Variants in NAGS observed in about 807,000 individuals in gnomAD.
NAGS encodes N-acetylglutamate synthase.
A neutral mutation model predicts 46.9 loss-of-function variants in NAGS; 34 were observed. The ratio of observed to expected loss-of-function variants is 0.72; its 90% confidence interval spans 0.55 to 0.97. The LOEUF is 0.97. Among genes scored for constraint, NAGS ranks in the 50% least tolerant of loss-of-function variants. The pLI is 0.00. For missense variants in NAGS, 665 were observed against 747.0 expected (o/e 0.89, Z 1.28); for synonymous variants, 334 against 346.3 (o/e 0.96, Z 0.39).
chr17:44,007,417 C>G lies in NAGS; in HGVS notation c.1191C>G (p.Ala397=). The change falls in exon 5 of 7, where the codon GCC becomes GCG. Residue 397 remains alanine, a synonymous_variant. Coordinates refer to ENST00000293404, the MANE Select transcript of NAGS (RefSeq NM_153006.3). This position sits in a 1 kb window ranked among gnomAD's most constrained non-coding sequence, Gnocchi z 5.1. The part of the protein sequence containing the change: ...DQGRLVDLVN[A]SFGKKLRDDY... ...GCCGTCTAGTGGACCTGGTCAACGC[C>G]AGCTTCGGCAAGAAGCTCAGGGACG... The G allele has an allele frequency of 6.2e-7, 1 of 1,613,944 alleles. No homozygotes were observed. The highest frequency in any genetic ancestry group is 8.5e-7 in the Non-Finnish European group (1 of 1,180,008).
rs373352475 is a variant in NAGS, at chr17:44,006,234, T to C, written c.912T>C (p.His304=). ...CAGGCGGCCTGCGCGACAGCAGTCA[T>C]AAGGTGCGGCCCTTTCTTTCACCTT... is the stretch of plus-strand genomic sequence containing the variant. The part of the protein sequence containing the change: ...NNTGGLRDSS[H]KVLSNVNLPA... The change falls in exon 3 of 7, where the codon CAT becomes CAC. Residue 304 remains histidine, a synonymous_variant. Coordinates refer to ENST00000293404, the MANE Select transcript of NAGS (RefSeq NM_153006.3). The surrounding 1 kb of genome is among the most constrained non-coding windows in gnomAD (Gnocchi z 4.8). 1.4e-5 allele frequency: 22 copies of C among 1,613,018 alleles called. No homozygotes were observed. The African/African-American group carries it at 2.5e-4, about 19-fold the overall frequency.
At position 44,007,380 on chromosome 17, in the gene NAGS, A is replaced by G. The variant is rs747725216; in HGVS notation, c.1154A>G (p.Lys385Arg). The G allele has an allele frequency of 6.2e-7, 1 of 1,613,812 alleles. No individual in the cohort carries two copies. Among genetic ancestry groups the G allele is most frequent in the Non-Finnish European group, 8.5e-7 (1 of 1,179,956 alleles). The change falls in exon 5 of 7, where the codon AAG (lysine) becomes AGG (arginine). Residue 385 changes from lysine to arginine, a missense_variant. By Grantham distance (26) the Lys-to-Arg change is conservative. Transcript: ENST00000293404. This position sits in a 1 kb window ranked among gnomAD's most constrained non-coding sequence, Gnocchi z 5.1. ...ATGCTACGGGTGCGCAGCCTGGACAAGCTGGACCAGGGCCGTCTAGTGGAC... is the reference window on the plus strand; with the variant it reads ...ATGCTACGGGTGCGCAGCCTGGACAGGCTGGACCAGGGCCGTCTAGTGGAC... ...ERMLRVRSLD[K>R]LDQGRLVDLV... is the part of the protein sequence containing the mutation.
rs2049116323 is a variant in NAGS, at chr17:44,007,797, T to TG, written c.1451+27dup. ...TGGTAGGTCCTGCCACTCCCAGCTC[T>TG]GGGCTGGGCCCTGACTTCCCTCCCC... On this transcript the variant is annotated intron_variant, in intron 6 of 6. Coordinates refer to ENST00000293404, the MANE Select transcript of NAGS (RefSeq NM_153006.3). The surrounding 1 kb of genome is among the most constrained non-coding windows in gnomAD (Gnocchi z 5.1). 3 of 1,567,554 alleles carry TG rather than the reference T, an allele frequency of 1.9e-6. No individual in the cohort carries two copies. The highest frequency in any genetic ancestry group is 1.4e-5 in the African/African-American group (1 of 73,482).
Position 44,006,449 on chromosome 17 carries a change from G to A in NAGS, c.916-80G>A. 1 of 1,536,494 alleles carries A rather than the reference G, an allele frequency of 6.5e-7. No individual in the cohort carries two copies. Among genetic ancestry groups the A allele is most frequent in the Non-Finnish European group, 8.8e-7 (1 of 1,138,610 alleles). On this transcript the variant is annotated intron_variant, in intron 3 of 6. Transcript: ENST00000293404. The surrounding 1 kb of genome is among the most constrained non-coding windows in gnomAD (Gnocchi z 4.8). Reference sequence around the variant, plus strand: ...GGCGGAAGTAAGGATAAAGGGGTCAGAGAAAAGAGAGGTCCGTGGGGGTAG... The same window carrying A: ...GGCGGAAGTAAGGATAAAGGGGTCAAAGAAAAGAGAGGTCCGTGGGGGTAG...
rs1315899700 is a variant in NAGS, at chr17:44,004,917, G to C, written c.254G>C (p.Arg85Thr). The stretch of plus-strand genomic sequence containing the variant: ...GAGCCGTCGTGGGTGCCGAGTCCCA[G>C]GCCCCCGGTGCCCCACGAGTCCCCA... Reference protein sequence around the residue: ...AEEPSWVPSPRPPVPHESPEP... With the variant: ...AEEPSWVPSPTPPVPHESPEP... Residue 85 changes from arginine (R) to threonine (T), a missense_variant, in exon 1 of 7, where the codon AGG (arginine) becomes ACG (threonine). Arg to Thr is a moderately conservative substitution (Grantham distance 71). Transcript: ENST00000293404. 2 of 1,535,054 alleles carry C rather than the reference G, an allele frequency of 1.3e-6. No individual in the cohort carries two copies. The highest frequency in any genetic ancestry group is 2.7e-5 in the African/African-American group (2 of 73,082).
At position 44,006,073 on chromosome 17, in the gene NAGS, G is replaced by A; in HGVS notation, c.751G>A (p.Glu251Lys). 8.1e-6 allele frequency: 13 copies of A among 1,611,572 alleles called. No individual in the cohort carries two copies. The highest frequency in any genetic ancestry group is 1.1e-5 in the Non-Finnish European group (13 of 1,179,500). ...VETDLLQWCL[E>K]SGSIPILCPI... The stretch of plus-strand genomic sequence containing the variant: ...GACAGACCTGCTGCAGTGGTGCCTG[G>A]AGTCGGGCAGCATCCCCATCCTGTG... The change falls in exon 3 of 7, where the codon GAG becomes AAG. Residue 251 changes from glutamate (E) to lysine (K), a missense_variant. Coordinates refer to ENST00000293404, the MANE Select transcript of NAGS (RefSeq NM_153006.3). The surrounding 1 kb of genome is among the most constrained non-coding windows in gnomAD (Gnocchi z 4.8).
Position 44,007,702 on chromosome 17 carries a change from G to A in NAGS, c.1380G>A (p.Leu460=), listed in dbSNP as rs1428233890. 1.2e-6 allele frequency: 2 copies of A among 1,605,820 alleles called. No homozygotes were observed. The highest frequency in any genetic ancestry group is 1.7e-6 in the Non-Finnish European group (2 of 1,176,074). Residue 460 remains leucine (L), a synonymous_variant, in exon 6 of 7, where the codon CTG becomes CTA. Coordinates refer to ENST00000293404, the MANE Select transcript of NAGS (RefSeq NM_153006.3). The surrounding 1 kb of genome is among the most constrained non-coding windows in gnomAD (Gnocchi z 5.1). ...AGGGCCAAGGCTCCGGCCAGATGCTGTGGGAGTGCCTGCGGCGGGACCTTC... is the reference window on the plus strand; with the variant it reads ...AGGGCCAAGGCTCCGGCCAGATGCTATGGGAGTGCCTGCGGCGGGACCTTC... ...SRQGQGSGQM[L]WECLRRDLQT... is the part of the protein sequence containing the mutation.
chr17:44,008,745 C>T lies in NAGS; in HGVS notation c.*144C>T, dbSNP rs1333638003. On this transcript the variant is annotated 3_prime_UTR_variant, in exon 7 of 7. Transcript: ENST00000293404. ...TGCAGAGGAGAAAGCAGCCCCAGCTCTGCCCAGAGGAGGCGCTGAAGTGGG... is the reference window on the plus strand; with the variant it reads ...TGCAGAGGAGAAAGCAGCCCCAGCTTTGCCCAGAGGAGGCGCTGAAGTGGG... 6 of 1,134,496 alleles carry T rather than the reference C, an allele frequency of 5.3e-6. No individual in the cohort carries two copies. The highest frequency in any genetic ancestry group is 4.6e-5 in the African/African-American group (3 of 65,562). 70.3% of individuals were successfully genotyped at this position (1,134,496 alleles called of 1,614,324 possible). A position where few individuals can be genotyped will look rare whatever the true frequency, so the allele number is the denominator to read the frequency against.
In NAGS at chr17:44,008,776, C is replaced by T. The variant is rs748700572; in HGVS notation, c.*175C>T. ...AGAGGAGGCGCTGAAGTGGGACAAGCACAGGAAAGAAGGGGACCAGTCTAG... is the reference window on the plus strand; with the variant it reads ...AGAGGAGGCGCTGAAGTGGGACAAGTACAGGAAAGAAGGGGACCAGTCTAG... On this transcript the variant is annotated 3_prime_UTR_variant, in exon 7 of 7. Transcript: ENST00000293404. The T allele has an allele frequency of 2.4e-5, 20 of 827,330 alleles. No individual in the cohort carries two copies. Among genetic ancestry groups the T allele is most frequent in the Non-Finnish European group, 3.8e-5 (19 of 506,046 alleles). The allele number at this position is 827,330 out of a possible 1,614,324, so 51.2% of individuals were successfully genotyped here.
At position 44,006,940 on chromosome 17, in the gene NAGS, T is replaced by C; in HGVS notation, c.1096+231T>C. The C allele has an allele frequency of 2.7e-6, 1 of 376,680 alleles. No homozygotes were observed. The highest frequency in any genetic ancestry group is 4.5e-6 in the Non-Finnish European group (1 of 221,970). The allele number at this position is 376,680 out of a possible 1,614,324, so 23.3% of individuals were successfully genotyped here. On this transcript the variant is annotated intron_variant, in intron 4 of 6. Transcript: ENST00000293404. The surrounding 1 kb of genome is among the most constrained non-coding windows in gnomAD (Gnocchi z 4.8). ...AAGGAATTAAAGGAATGGGCGGGACTAGGGGGGAGAAGGAGGGGCCCCCCG... is the reference window on the plus strand; with the variant it reads ...AAGGAATTAAAGGAATGGGCGGGACCAGGGGGGAGAAGGAGGGGCCCCCCG...
rs775373928 is a variant in NAGS, at chr17:44,006,279, GGCCTTCTCTTGC to G, written c.915+46_915+57del. ...CACCTTCCCCCACGCCGGCGATCCG[GGCCTTCTCTTGC>G]GCCCCTCGCACTTCTCCCCGACGGG... On this transcript the variant is annotated intron_variant, in intron 3 of 6. Coordinates refer to ENST00000293404, the MANE Select transcript of NAGS (RefSeq NM_153006.3). This position sits in a 1 kb window ranked among gnomAD's most constrained non-coding sequence, Gnocchi z 4.8. The G allele has an allele frequency of 1.4e-5, 23 of 1,600,890 alleles. No individual in the cohort carries two copies. The South Asian group carries it at 2.6e-4, about 18-fold the overall frequency.
Position 44,007,732 on chromosome 17 carries a change from A to C in NAGS, c.1410A>C (p.Thr470=). 2.5e-6 allele frequency: 4 copies of C among 1,594,962 alleles called. No homozygotes were observed. Among genetic ancestry groups the C allele is most frequent in the Non-Finnish European group, 3.4e-6 (4 of 1,170,090 alleles). ...LWECLRRDLQ[T]LFWRSRVTNP... ...AGTGCCTGCGGCGGGACCTTCAGAC[A>C]CTTTTCTGGCGCTCCCGGGTCACCA... Residue 470 remains threonine, a synonymous_variant, in exon 6 of 7, where the codon ACA becomes ACC. Transcript: ENST00000293404. The surrounding 1 kb of genome is among the most constrained non-coding windows in gnomAD (Gnocchi z 5.1).
chr17:44,008,471 G>C lies in NAGS; in HGVS notation c.1475G>C (p.Ser492Thr). 4 of 1,614,246 alleles carry C rather than the reference G, an allele frequency of 2.5e-6. No individual in the cohort carries two copies. Among genetic ancestry groups the C allele is most frequent in the Non-Finnish European group, 3.4e-6 (4 of 1,180,048 alleles). The change falls in exon 7 of 7, where the codon AGC becomes ACC. Residue 492 changes from serine to threonine, a missense_variant. Coordinates refer to ENST00000293404, the MANE Select transcript of NAGS (RefSeq NM_153006.3). ...NPWYFKHSDGSFSNKQWIFFW... is the reference protein window; with the variant it reads ...NPWYFKHSDGTFSNKQWIFFW... ...AGGTACTTCAAACACAGTGATGGCAGCTTCTCCAACAAGCAGTGGATCTTC... is the reference window on the plus strand; with the variant it reads ...AGGTACTTCAAACACAGTGATGGCACCTTCTCCAACAAGCAGTGGATCTTC...
At position 44,008,778 on chromosome 17, in the gene NAGS, C is replaced by G; in HGVS notation, c.*177C>G. 3 of 823,196 alleles carry G rather than the reference C, an allele frequency of 3.6e-6. No homozygotes were observed. Among genetic ancestry groups the G allele is most frequent in the Non-Finnish European group, 2.0e-6 (1 of 503,056 alleles). 51.0% of individuals were successfully genotyped at this position (823,196 alleles called of 1,614,324 possible). A position where few individuals can be genotyped will look rare whatever the true frequency, so the allele number is the denominator to read the frequency against. ...AGGAGGCGCTGAAGTGGGACAAGCA[C>G]AGGAAAGAAGGGGACCAGTCTAGGA... On this transcript the variant is annotated 3_prime_UTR_variant, in exon 7 of 7. Coordinates refer to ENST00000293404, the MANE Select transcript of NAGS (RefSeq NM_153006.3).
chr17:44,006,042 G>C lies in NAGS; in HGVS notation c.720G>C (p.Ser240=). The change falls in exon 3 of 7, where the codon TCG becomes TCC. Residue 240 remains serine (S), a synonymous_variant. Coordinates refer to ENST00000293404, the MANE Select transcript of NAGS (RefSeq NM_153006.3). This position sits in a 1 kb window ranked among gnomAD's most constrained non-coding sequence, Gnocchi z 4.8. ...CCCACAGCTACGGCGGCATCGTCTC[G>C]GTGGAGACAGACCTGCTGCAGTGGT... is the stretch of plus-strand genomic sequence containing the variant. ...APHASYGGIV[S]VETDLLQWCL... is the part of the protein sequence containing the mutation. 6.2e-7 allele frequency: 1 copy of C among 1,605,190 alleles called. No individual in the cohort carries two copies. The highest frequency in any genetic ancestry group is 1.1e-5 in the South Asian group (1 of 90,068).
Position 44,004,742 on chromosome 17 carries a change from G to T in NAGS, c.79G>T (p.Gly27Cys). ...GCTGAGAGGCCGGGGAGGCACTGGG[G>T]GCGCCCGAAGGCTGAGCTGTGGCGC... ...PRLRGRGGTG[G>C]ARRLSCGARR... is the part of the protein sequence containing the mutation. The change falls in exon 1 of 7, where the codon GGC (glycine) becomes TGC (cysteine). Residue 27 changes from glycine to cysteine, a missense_variant. Coordinates refer to ENST00000293404, the MANE Select transcript of NAGS (RefSeq NM_153006.3). 1 of 1,460,256 alleles carries T rather than the reference G, an allele frequency of 6.8e-7. No homozygotes were observed. The allele number at this position is 1,460,256 out of a possible 1,614,324, so 90.5% of individuals were successfully genotyped here. A position where few individuals can be genotyped will look rare whatever the true frequency, so the allele number is the denominator to read the frequency against.
Position 44,008,615 on chromosome 17 carries a change from C to T in NAGS, c.*14C>T, listed in dbSNP as rs1199802094. On this transcript the variant is annotated 3_prime_UTR_variant, in exon 7 of 7. Coordinates refer to ENST00000293404, the MANE Select transcript of NAGS (RefSeq NM_153006.3). ...CCAGGCAGCTGACCCTCACCATGGA[C>T]ACTACAGGCCCTGGAATGGCCAGGG... The T allele has an allele frequency of 1.2e-6, 2 of 1,613,104 alleles. No homozygotes were observed. The highest frequency in any genetic ancestry group is 2.2e-5 in the South Asian group (2 of 91,034).
chr17:44,008,385 A>G, intron 6 of NAGS, 63 bp from the exon 7 acceptor site: 1 of 1,586,858 alleles, frequency 6.3e-7, no homozygotes, highest in Middle Eastern at 1.7e-4. Context: ...AGACAGAACC[A>G]GTGAGTAATG....
chr17:44,008,773 A>G lies in NAGS; in HGVS notation c.*172A>G. 1 of 827,198 alleles carries G rather than the reference A, an allele frequency of 1.2e-6. No homozygotes were observed. The highest frequency in any genetic ancestry group is 2.1e-5 in the Admixed American group (1 of 47,690). 51.2% of individuals were successfully genotyped at this position (827,198 alleles called of 1,614,324 possible). ...CCCAGAGGAGGCGCTGAAGTGGGACAAGCACAGGAAAGAAGGGGACCAGTC... is the reference window on the plus strand; with the variant it reads ...CCCAGAGGAGGCGCTGAAGTGGGACGAGCACAGGAAAGAAGGGGACCAGTC... On this transcript the variant is annotated 3_prime_UTR_variant, in exon 7 of 7. Transcript: ENST00000293404.
Sources: allele counts gnomAD v4.1 joint callset, GRCh38; gene constraint gnomAD v4.1.1; non-coding constraint Gnocchi (gnomAD v3.1); transcripts MANE v1.5; gene names NCBI Gene and HGNC (gene_info 2026-07-23, HGNC 2026-07-21).